FAIM2: variants seen among roughly 807,000 people sequenced by gnomAD.
FAIM2 encodes the protein Fas apoptotic inhibitory molecule 2, also known as protein lifeguard 2.
FAIM2 carries 27 observed loss-of-function variants against 47.4 expected under a neutral mutation model. That is an observed-to-expected ratio of 0.57 (90% CI 0.42 to 0.78). FAIM2 has a LOEUF of 0.78. Among genes scored for constraint, FAIM2 ranks in the 30% least tolerant of loss-of-function variants. The pLI is 0.00. For missense variants in FAIM2, 311 were observed against 389.4 expected, an observed-to-expected ratio of 0.80 and a Z score of 1.69; for synonymous variants, 156 against 159.3, an observed-to-expected ratio of 0.98 and a Z score of 0.16.
At chr12:49,877,312 C>T (rs1044667301) in intron 11 of FAIM2, among the ~76,000 whole-genome samples, 2 of 152,164 alleles carry the variant, frequency 1.3e-5, no homozygotes, top group African/African-American at 4.8e-5. Flanking sequence ...ACTGATCAGT[C>T]CACCCACCCC....
chr12:49,888,807 G>A (rs534993802), intron 10 of FAIM2, among the ~76,000 whole-genome samples: 1 of 152,264 alleles, frequency 6.6e-6, no homozygotes, highest in East Asian at 1.9e-4. Flanking sequence ...CCCTGCCCAG[G>A]GTTTAAATGC....
At chr12:49,875,890 C>T (rs558658417) in intron 11 of FAIM2, among the ~76,000 whole-genome samples, 1 of 152,174 alleles carries the variant, frequency 6.6e-6, no homozygotes, top group Admixed American at 6.5e-5. Context: ...GGAGGAGAAT[C>T]GCTTGAACCC....
At chr12:49,877,388 G>A (rs1237343658) in intron 11 of FAIM2, among the ~76,000 whole-genome samples, 3 of 152,232 alleles carry the variant, frequency 2.0e-5, no homozygotes, top group African/African-American at 7.2e-5. Context: ...CTCAGGGGAG[G>A]CATTGGGACT....
chr12:49,884,246 CAG>C (rs1226385601), intron 11 of FAIM2, among the ~76,000 whole-genome samples: 12 of 147,862 alleles, frequency 8.1e-5, no homozygotes, highest in Non-Finnish European at 9.0e-5. Flanking sequence ...AAACAAAAAA[CAG>C]AGAGAGAGAG....
rs542214352 is a variant in FAIM2, at chr12:49,900,595, G to A, written c.211+535C>T. ...ACTCCTGCCCCAGCACGGGCTCGGGGAAGGGAACAGATATGAGAAGAGTGA... is the reference window on the plus strand; with the variant it reads ...ACTCCTGCCCCAGCACGGGCTCGGGAAAGGGAACAGATATGAGAAGAGTGA... On this transcript the variant is annotated intron_variant, in intron 2 of 11. Coordinates refer to ENST00000320634, the MANE Select transcript of FAIM2 (RefSeq NM_012306.4). Among the ~76,000 whole-genome samples, 22 of 152,238 alleles carry A rather than the reference G, an allele frequency of 1.4e-4. 1 individual carries two copies. The South Asian group carries it at 4.3e-3, about 30-fold the overall frequency.
intron 1 of FAIM2, chr12:49,901,556 A>G (rs1946982584): frequency 2.3e-6 from 1 of 432,056 alleles, no homozygotes; most frequent in African/African-American, 2.1e-5. Context: ...AACAGAGGAA[A>G]GAGAAAATTC....
chr12:49,897,860 C>A, intron 3 of FAIM2, 127 bp downstream of exon 3: 1 of 728,086 alleles, frequency 1.4e-6, no homozygotes, highest in Non-Finnish European at 2.4e-6. Flanking sequence ...CTAGTGGGTG[C>A]TGTCAGCTGG....
At chr12:49,884,986 T>C (rs1161145065) in intron 11 of FAIM2, among the ~76,000 whole-genome samples, 1 of 151,952 alleles carries the variant, frequency 6.6e-6, no homozygotes, top group Non-Finnish European at 1.5e-5. Flanking sequence ...AAAAAAAGAC[T>C]CTGTGCCAGC....
intron 11 of FAIM2, among the ~76,000 whole-genome samples, chr12:49,876,767 A>AT (rs967953038): frequency 6.6e-6 from 1 of 152,028 alleles, no homozygotes; most frequent in African/African-American, 2.4e-5. Context: ...GCGAGACTCC[A>AT]TTTAAAAAAA....
intron 11 of FAIM2, among the ~76,000 whole-genome samples, chr12:49,880,057 T>C (rs1283878887): frequency 1.2e-5 from 1 of 84,768 alleles, no homozygotes; most frequent in Non-Finnish European, 2.3e-5. Context: ...TGTATATATG[T>C]ATTTATTTGT....
intron 11 of FAIM2, among the ~76,000 whole-genome samples, chr12:49,873,273 A>C (rs939478176): frequency 6.6e-6 from 1 of 152,158 alleles, no homozygotes; most frequent in Non-Finnish European, 1.5e-5. Context: ...AAAGTGGGAT[A>C]GTAGCAATGC....
intron 2 of FAIM2, 46 bp downstream of exon 2, chr12:49,901,084 A>C: frequency 6.9e-7 from 1 of 1,459,728 alleles, no homozygotes; most frequent in East Asian, 2.7e-5. Context: ...CTCTGGGTCC[A>C]CCCCCACCCC....
intron 2 of FAIM2, among the ~76,000 whole-genome samples, chr12:49,898,758 G>C (rs1161006441): frequency 6.6e-6 from 1 of 152,122 alleles, no homozygotes; most frequent in African/African-American, 2.4e-5. Context: ...GAACTCCTGA[G>C]CCCAAGCAAT....
chr12:49,898,927 G>C (rs1369629857), intron 2 of FAIM2, among the ~76,000 whole-genome samples: 4 of 152,086 alleles, frequency 2.6e-5, no homozygotes, highest in Non-Finnish European at 5.9e-5. Context: ...GCTTCAGGGG[G>C]TGGGGGGCTG....
intron 11 of FAIM2, among the ~76,000 whole-genome samples, chr12:49,876,633 G>A (rs188828754): frequency 0.015 from 2,336 of 151,998 alleles, 27 homozygotes; most frequent in Non-Finnish European, 0.023. Flanking sequence ...TTAGCCGGGC[G>A]TGGTGGTGCA....
intron 11 of FAIM2, among the ~76,000 whole-genome samples, chr12:49,883,259 G>C (rs7486913): frequency 6.6e-6 from 1 of 151,992 alleles, no homozygotes; most frequent in Non-Finnish European, 1.5e-5. Context: ...CACAGGGGCA[G>C]CCTGCAGGAG....
intron 4 of FAIM2, 142 bp from the exon 5 acceptor site, chr12:49,897,226 C>T: frequency 1.3e-6 from 1 of 758,076 alleles, no homozygotes; most frequent in East Asian, 2.6e-5. Context: ...CTCGGGGAGT[C>T]CCAGCCCACA....
At chr12:49,898,991 C>G (rs1205932559) in intron 2 of FAIM2, among the ~76,000 whole-genome samples, 1 of 152,208 alleles carries the variant, frequency 6.6e-6, no homozygotes, top group East Asian at 1.9e-4. Context: ...GATGACAGTT[C>G]CAGGCCTAGT....
rs1946889452 is a variant in FAIM2 at position 49,890,121 on chromosome 12, A to G, written c.559T>C (p.Ser187Pro). 3 of 1,613,798 alleles carry G rather than the reference A, an allele frequency of 1.9e-6. No individual in the cohort carries two copies. The highest frequency in any genetic ancestry group is 2.5e-6 in the Non-Finnish European group (3 of 1,179,896). The change falls in exon 8 of 12, where the codon TCC becomes CCC. Residue 187 changes from serine (S) to proline (P), a missense_variant. Transcript: ENST00000320634. The part of the protein sequence containing the change: ...LSMAYLTGML[S>P]SYYNTTSVLL... ...CCTTCCACCTGTTCCCTTTACCTGG[A>G]CAGCATCCCAGTGAGGTAGGCCATG... is the stretch of plus-strand genomic sequence containing the variant.
Sources: gnomAD v4.1 joint callset for allele counts (sites outside exome capture counted in the v4.1 genomes callset) on GRCh38, gnomAD v4.1.1 for gene constraint, MANE v1.5 for transcripts, NCBI Gene and HGNC (gene_info 2026-07-23, HGNC 2026-07-21) for gene names.